WDSUB1: variants seen among roughly 807,000 people sequenced by gnomAD.
The protein encoded by WDSUB1 is WD repeat, sterile alpha motif and U-box domain containing 1.
WDSUB1 carries 49 observed loss-of-function variants against 53.9 expected under a neutral mutation model. That is an observed-to-expected ratio of 0.91 (90% CI 0.72 to 1.15). The LOEUF (loss-of-function observed/expected upper bound fraction) is 1.15, where lower values mean the gene tolerates loss of function less well. WDSUB1 is among the 50% of genes most tolerant of loss of function. WDSUB1 has a pLI of 0.00. For synonymous variants in WDSUB1, 194 were observed against 200.6 expected (o/e 0.97, Z 0.28); for missense variants, 514 against 562.0 (o/e 0.91, Z 0.86).
chr2:159,237,433 A>G (rs887411975), intron 10 of WDSUB1, among the ~76,000 whole-genome samples: 1 of 152,092 alleles, frequency 6.6e-6, no homozygotes, highest in Non-Finnish European at 1.5e-5. Context: ...AGGCAGGAGA[A>G]TCACTTGAGC....
At position 159,283,203 on chromosome 2, in the gene WDSUB1, C is replaced by T. The variant is rs1575503431; in HGVS notation, c.-24-110G>A. The T allele has an allele frequency of 1.8e-5, 17 of 950,046 alleles. No individual in the cohort carries two copies. The East Asian group carries it at 3.7e-4, about 21-fold the overall frequency. The allele number at this position is 950,046 out of a possible 1,614,324, so 58.9% of individuals were successfully genotyped here. ...TTAATTTGCTCAATGAAAGCTTCTA[C>T]ATCAACATTTTAAAGCAGTGGTCCC... On this transcript the variant is annotated intron_variant, in intron 1 of 10. Coordinates refer to ENST00000359774, the MANE Select transcript of WDSUB1 (RefSeq NM_001128212.3).
At chr2:159,268,434 T>C (rs901602053) in intron 5 of WDSUB1, among the ~76,000 whole-genome samples, 1 of 152,248 alleles carries the variant, frequency 6.6e-6, no homozygotes, top group African/African-American at 2.4e-5. Flanking sequence ...TGATGAATAA[T>C]CTTCATCTTT....
At chr2:159,250,893 A>G (rs1280784300) in intron 9 of WDSUB1, among the ~76,000 whole-genome samples, 1 of 152,108 alleles carries the variant, frequency 6.6e-6, no homozygotes, top group Non-Finnish European at 1.5e-5. Flanking sequence ...GGCTTCAAAA[A>G]CTGTCATAAA....
At chr2:159,254,025 G>A (rs1375224258) in intron 9 of WDSUB1, among the ~76,000 whole-genome samples, 3 of 152,136 alleles carry the variant, frequency 2.0e-5, no homozygotes, top group Non-Finnish European at 4.4e-5. Flanking sequence ...AAGCCTAAGA[G>A]TCCTTATTTA....
rs560767557 is a variant in WDSUB1 at position 159,272,435 on chromosome 2, G to T, written c.677-640C>A. On this transcript the variant is annotated intron_variant, in intron 4 of 10. Coordinates refer to ENST00000359774, the MANE Select transcript of WDSUB1 (RefSeq NM_001128212.3). ...GCATTCCTCCAGAGAGCTGCACATT[G>T]TCATAGAGTCGGGGGATTTGTCAAA... Among the ~76,000 whole-genome samples, 8 of 152,286 alleles carry T rather than the reference G, an allele frequency of 5.3e-5. No individual in the cohort carries two copies. The East Asian group carries it at 1.5e-3, about 29-fold the overall frequency.
At chr2:159,284,408 T>C (rs2061743316) in intron 1 of WDSUB1, among the ~76,000 whole-genome samples, 1 of 152,190 alleles carries the variant, frequency 6.6e-6, no homozygotes, top group Non-Finnish European at 1.5e-5. Context: ...TCTATTCTAA[T>C]AAACTATCTT....
At chr2:159,236,381 G>A (rs561404191) in intron 10 of WDSUB1, among the ~76,000 whole-genome samples, 191 bp from the exon 11 acceptor site, 18 of 152,274 alleles carry the variant, frequency 1.2e-4, no homozygotes, top group Non-Finnish European at 2.2e-4. Flanking sequence ...GGATGGAGAC[G>A]TATGAAGCAA....
chr2:159,247,901 A>C (rs2151065565), intron 10 of WDSUB1, among the ~76,000 whole-genome samples: 1 of 18,244 alleles, frequency 5.5e-5, no homozygotes, highest in African/African-American at 1.5e-4. Flanking sequence ...ATATATATAT[A>C]TATATATAAA....
chr2:159,258,479 T>G (rs2151092776), intron 6 of WDSUB1, among the ~76,000 whole-genome samples: 1 of 152,240 alleles, frequency 6.6e-6, no homozygotes, highest in Non-Finnish European at 1.5e-5. Context: ...GCCAACACGG[T>G]GAAACCCCAT....
Position 159,275,574 on chromosome 2 carries a change from A to C in WDSUB1, c.648T>G (p.Ile216Met). 6.2e-7 allele frequency: 1 copy of C among 1,606,352 alleles called. No individual in the cohort carries two copies. The highest frequency in any genetic ancestry group is 8.5e-7 in the Non-Finnish European group (1 of 1,177,970). ...AGATATGGGTAAAAGAAACAATCCA[A>C]ATTTTGACTTGGCAATCCTGACCAC... is the stretch of plus-strand genomic sequence containing the variant. ...ASCGQDCQVK[I>M]WIVSFTHILG... is the part of the protein sequence containing the mutation. Residue 216 changes from isoleucine (I) to methionine (M), a missense_variant, in exon 4 of 11, where the codon ATT (isoleucine) becomes ATG (methionine). Transcript: ENST00000359774.
chr2:159,282,275 C>T (rs2061681931), intron 2 of WDSUB1, among the ~76,000 whole-genome samples: 1 of 151,494 alleles, frequency 6.6e-6, no homozygotes, highest in Non-Finnish European at 1.5e-5. Context: ...TCACTGCAAG[C>T]TCCGCCTCCT....
chr2:159,242,444 T>C (rs2060680688), intron 10 of WDSUB1, among the ~76,000 whole-genome samples: 1 of 146,266 alleles, frequency 6.8e-6, no homozygotes, highest in South Asian at 2.2e-4. Context: ...GCAGATCACC[T>C]GAGGTTGGGA....
rs143861095 is a variant in WDSUB1 at position 159,248,573 on chromosome 2, AC to A, written c.1133-62del. On this transcript the variant is annotated intron_variant, in intron 9 of 10. Coordinates refer to ENST00000359774, the MANE Select transcript of WDSUB1 (RefSeq NM_001128212.3). ...TAGTAATCCTTACTACTAGGATACTACCAGTAATCCTTATTCACAAATAGAG... is the reference window on the plus strand; with the variant it reads ...TAGTAATCCTTACTACTAGGATACTACAGTAATCCTTATTCACAAATAGAG... 7.3e-3 allele frequency: 10,418 copies of A among 1,419,630 alleles called. 704 individuals are homozygous for A. In the African/African-American group the frequency reaches 0.14, roughly 19 times the overall value. The allele number at this position is 1,419,630 out of a possible 1,614,324, so 87.9% of individuals were successfully genotyped here. A position where few individuals can be genotyped will look rare whatever the true frequency, so the allele number is the denominator to read the frequency against.
intron 9 of WDSUB1, among the ~76,000 whole-genome samples, chr2:159,252,769 T>A (rs929029835): frequency 2.0e-5 from 3 of 152,240 alleles, no homozygotes; most frequent in African/African-American, 7.2e-5. Flanking sequence ...AGACAGGTGA[T>A]GTATTTAAAT....
intron 10 of WDSUB1, among the ~76,000 whole-genome samples, chr2:159,248,144 A>G (rs2060860616): frequency 1.3e-5 from 2 of 151,712 alleles, no homozygotes; most frequent in Non-Finnish European, 2.9e-5. Flanking sequence ...CTAAATACAC[A>G]TTTCACAAGT....
At chr2:159,286,115 G>C (rs2061791192) in intron 1 of WDSUB1, among the ~76,000 whole-genome samples, 1 of 152,040 alleles carries the variant, frequency 6.6e-6, no homozygotes, top group Non-Finnish European at 1.5e-5. Context: ...GCGTTCCCTC[G>C]GGCCTCGGCT....
chr2:159,257,811 G>T lies in WDSUB1; in HGVS notation c.899C>A (p.Ser300Ter), dbSNP rs1440899879. The part of the protein sequence containing the change: ...APNTLLLATG[S>*]MDKTVNIWQF... ...CCAGATGTTCACTGTTTTGTCCATT[G>T]AACCAGTAGCAAGTAAAAGGGTATT... The change falls in exon 8 of 11, where the codon TCA (serine) becomes TAA (stop). Residue 300 changes from serine to a stop codon, truncating the protein, a stop_gained. Transcript: ENST00000359774. LOFTEE classifies it high-confidence loss of function. 1 of 1,614,154 alleles carries T rather than the reference G, an allele frequency of 6.2e-7. No homozygotes were observed. The highest frequency in any genetic ancestry group is 8.5e-7 in the Non-Finnish European group (1 of 1,180,024).
intron 10 of WDSUB1, among the ~76,000 whole-genome samples, chr2:159,236,404 A>T (rs36013451): frequency 6.6e-6 from 1 of 152,040 alleles, no homozygotes; most frequent in Non-Finnish European, 1.5e-5. Flanking sequence ...ATTGCCCAGA[A>T]GAGTAACATT....
At position 159,256,372 on chromosome 2, in the gene WDSUB1, C is replaced by G. The variant is rs201147705; in HGVS notation, c.956G>C (p.Arg319Thr). The change falls in exon 9 of 11, where the codon AGG (arginine) becomes ACG (threonine). Residue 319 changes from arginine to threonine, a missense_variant. Physicochemically the swap from Arg to Thr is moderately conservative, Grantham distance 71. Coordinates refer to ENST00000359774, the MANE Select transcript of WDSUB1 (RefSeq NM_001128212.3). ...QFDLETLCQA[R>T]RTEHQLKQFT... is the part of the protein sequence containing the mutation. ...TTGCTTCAGCTGATGTTCTGTGCGC[C>G]TTGCTTAAAATAAACAAACAAGTAA... 70 of 1,604,810 alleles carry G rather than the reference C, an allele frequency of 4.4e-5. No homozygotes were observed. In the Middle Eastern group the frequency reaches 9.9e-4, roughly 23 times the overall value.
Sources: gnomAD v4.1 joint callset for allele counts (sites outside exome capture counted in the v4.1 genomes callset) on GRCh38, gnomAD v4.1.1 for gene constraint, MANE v1.5 for transcripts, NCBI Gene and HGNC (gene_info 2026-07-23, HGNC 2026-07-21) for gene names.